The following ACAP2 variants were observed in gnomAD, a reference collection of about 807,000 sequenced individuals.
ACAP2 encodes ArfGAP with coiled-coil, ankyrin repeat and PH domains 2.
Under a neutral mutation model 115.8 loss-of-function variants are expected in ACAP2, and 39 were observed. The ratio of observed to expected loss-of-function variants is 0.34; its 90% CI spans 0.26 to 0.44. ACAP2 has a LOEUF of 0.44. Ranked by LOEUF, ACAP2 falls within the 20% of genes least tolerant of loss-of-function variation. ACAP2 has a pLI of 1.00. For missense variants in ACAP2, 662 were observed against 927.6 expected, an observed-to-expected ratio of 0.71 and a Z score of 3.72; for synonymous variants, 289 against 315.8, an observed-to-expected ratio of 0.92 and a Z score of 0.90.
At chr3:195,361,433 C>T (rs1732360824) in intron 4 of ACAP2, among the ~76,000 whole-genome samples, 3 of 130,454 alleles carry the variant, frequency 2.3e-5, no homozygotes, top group Non-Finnish European at 4.8e-5. Context: ...AAGACTCTGT[C>T]TCAAAAAAAA....
intron 10 of ACAP2, among the ~76,000 whole-genome samples, chr3:195,314,231 A>C (rs1728944379): frequency 6.6e-6 from 1 of 150,604 alleles, no homozygotes; most frequent in Non-Finnish European, 1.5e-5. Flanking sequence ...GTGGGTACAT[A>C]GTAAGCGTAT....
intron 9 of ACAP2, among the ~76,000 whole-genome samples, chr3:195,324,762 A>C (rs1255810893): frequency 6.6e-6 from 1 of 152,096 alleles, no homozygotes; most frequent in African/African-American, 2.4e-5. Context: ...AAAATAAAAT[A>C]AAAAATAAAG....
chr3:195,439,209 A>AAG (rs1268555441), intron 1 of ACAP2, among the ~76,000 whole-genome samples: 35 of 59,532 alleles, frequency 5.9e-4, no homozygotes, highest in East Asian at 2.8e-3. Context: ...TTTTTTTTTT[A>AAG]AGAGAGAGAG....
At chr3:195,329,011 C>T in intron 8 of ACAP2, among the ~76,000 whole-genome samples, 1 of 148,954 alleles carries the variant, frequency 6.7e-6, no homozygotes, top group East Asian at 2.0e-4. Context: ...ACCCGGGAGG[C>T]GGAGCTTGTA....
At position 195,306,627 on chromosome 3, in the gene ACAP2, A is replaced by G. The variant is rs1728438288; in HGVS notation, c.1011-11T>C. On this transcript the variant is annotated splice_polypyrimidine_tract_variant and intron_variant, in intron 12 of 22. Coordinates refer to ENST00000326793, the MANE Select transcript of ACAP2 (RefSeq NM_012287.6). ...TGGAGCATGCAACTTCTAAAAGGAA[A>G]TAACATATTGTTTTCTCAGACACTA... 5.6e-6 allele frequency: 9 copies of G among 1,603,676 alleles called. No homozygotes were observed. The highest frequency in any genetic ancestry group is 1.3e-5 in the African/African-American group (1 of 74,608).
intron 4 of ACAP2, among the ~76,000 whole-genome samples, chr3:195,345,947 G>A (rs568200996): frequency 1.1e-4 from 16 of 152,104 alleles, no homozygotes; most frequent in Non-Finnish European, 2.2e-4. Context: ...TGCTTATCGT[G>A]GGGATTCCAC....
intron 8 of ACAP2, among the ~76,000 whole-genome samples, chr3:195,330,784 C>A (rs180910514): frequency 7.2e-5 from 11 of 152,262 alleles, no homozygotes; most frequent in Non-Finnish European, 1.5e-4. Flanking sequence ...TGTGACCCTG[C>A]GACTAAGGAC....
At chr3:195,308,702 A>T (rs1278716935) in intron 11 of ACAP2, 84 bp downstream of exon 11, 14 of 1,066,734 alleles carry the variant, frequency 1.3e-5, no homozygotes, top group Middle Eastern at 4.3e-4. Context: ...TACACAAATG[A>T]GTATGTATAG....
intron 1 of ACAP2, among the ~76,000 whole-genome samples, chr3:195,425,482 C>T (rs1416761380): frequency 6.6e-6 from 1 of 152,126 alleles, no homozygotes; most frequent in Non-Finnish European, 1.5e-5. Flanking sequence ...TGCAAGAAAT[C>T]GTGCTCAAGA....
chr3:195,281,133 G>A (rs538111202), intron 22 of ACAP2, among the ~76,000 whole-genome samples: 2 of 152,272 alleles, frequency 1.3e-5, no homozygotes, highest in Admixed American at 6.5e-5. Context: ...TGGCCCGGCC[G>A]GGTGGCTCAC....
At chr3:195,289,375 T>G (rs1394737542) in intron 20 of ACAP2, 144 bp from the exon 21 acceptor site, 3 of 659,510 alleles carry the variant, frequency 4.5e-6, no homozygotes, top group Non-Finnish European at 5.3e-6. Context: ...GAACACTAAC[T>G]CTACTAACAA....
intron 4 of ACAP2, among the ~76,000 whole-genome samples, chr3:195,361,103 T>C (rs1732337003): frequency 6.6e-6 from 1 of 150,782 alleles, no homozygotes; most frequent in South Asian, 2.1e-4. Flanking sequence ...AATTAAACAA[T>C]ATGCTCCTGA....
At chr3:195,403,413 T>C (rs1316644263) in intron 1 of ACAP2, among the ~76,000 whole-genome samples, 1 of 152,214 alleles carries the variant, frequency 6.6e-6, no homozygotes, top group Non-Finnish European at 1.5e-5. Flanking sequence ...CAAGACTCAT[T>C]CTGGCTGCTA....
At chr3:195,348,540 C>T (rs1464679343) in intron 4 of ACAP2, among the ~76,000 whole-genome samples, 5 of 151,860 alleles carry the variant, frequency 3.3e-5, no homozygotes, top group African/African-American at 9.7e-5. Flanking sequence ...AAGAAAGCTA[C>T]GAAGCAGTAT....
chr3:195,359,016 A>T (rs1403131659), intron 4 of ACAP2, among the ~76,000 whole-genome samples: 1 of 152,232 alleles, frequency 6.6e-6, no homozygotes, highest in Admixed American at 6.5e-5. Flanking sequence ...GCCAGGAGAG[A>T]GAGTAGCATG....
At chr3:195,359,894 A>C (rs902124864) in intron 4 of ACAP2, among the ~76,000 whole-genome samples, 2 of 152,260 alleles carry the variant, frequency 1.3e-5, no homozygotes, top group African/African-American at 4.8e-5. Context: ...ATAATAAATA[A>C]GCAAAAAATA....
chr3:195,302,200 T>C (rs1390423027), intron 13 of ACAP2, 26 bp from the exon 14 acceptor site: 3 of 1,575,496 alleles, frequency 1.9e-6, no homozygotes, highest in East Asian at 4.5e-5. Flanking sequence ...ATTACTTGTT[T>C]TTAAAAAAAA....
intron 20 of ACAP2, 79 bp downstream of exon 20, chr3:195,291,627 A>T: frequency 1.7e-6 from 2 of 1,172,180 alleles, no homozygotes; most frequent in Non-Finnish European, 2.4e-6. Context: ...TGAAAACTTT[A>T]ACCTAAGAAA....
chr3:195,430,009 T>C (rs1052658729), intron 1 of ACAP2, among the ~76,000 whole-genome samples: 4 of 152,184 alleles, frequency 2.6e-5, no homozygotes, highest in Admixed American at 1.3e-4. Context: ...TGCTTGAAAT[T>C]TTCTATAATC....
Sources: gnomAD v4.1 joint callset for allele counts (sites outside exome capture counted in the v4.1 genomes callset) on GRCh38, gnomAD v4.1.1 for gene constraint, MANE v1.5 for transcripts, NCBI Gene and HGNC (gene_info 2026-07-23, HGNC 2026-07-21) for gene names.